Variants in ERI1 observed in about 807,000 individuals in gnomAD.
ERI1 encodes 3'-5' exoribonuclease 1.
ERI1 carries 39 observed loss-of-function variants against 39.7 expected under a neutral mutation model. The ratio of observed to expected loss-of-function variants is 0.98; its 90% CI spans 0.76 to 1.28. The LOEUF (loss-of-function observed/expected upper bound fraction) is 1.28. ERI1 is among the 50% of genes most tolerant of loss of function. The pLI, the probability that ERI1 is intolerant of heterozygous loss-of-function variation, is 0.00. For synonymous variants in ERI1, 204 were observed against 149.6 expected (o/e 1.36, Z -2.65); for missense variants, 581 against 416.9 (o/e 1.39, Z -3.43).
chr8:9,080,482 T>C (rs796491055), intron 3 of ERI1, among the ~76,000 whole-genome samples: 58 of 152,332 alleles, frequency 3.8e-4, no homozygotes, highest in African/African-American at 1.2e-3. Flanking sequence ...CATGCTAGGC[T>C]GCCTAGAGGA....
intron 3 of ERI1, among the ~76,000 whole-genome samples, chr8:9,065,649 C>A (rs1186654152): frequency 7.2e-6 from 1 of 138,756 alleles, no homozygotes; most frequent in African/African-American, 2.7e-5. Context: ...GAGCTGAGAT[C>A]GCAGCACTGC....
rs112666126 is a variant in ERI1, at chr8:9,017,289, C to T, written c.582+884C>T. 3.9e-5 allele frequency among the ~76,000 whole-genome samples: 6 copies of T among 152,002 alleles called. No homozygotes were observed. The East Asian group carries it at 9.7e-4, about 25-fold the overall frequency. On this transcript the variant is annotated intron_variant, in intron 4 of 6. Transcript: ENST00000250263. Reference sequence around the variant, plus strand: ...AGAACTCCTGACGTCAAGCCCTCCTCGGTCCCAAAAAGTGTTGGGATTACG... The same window carrying T: ...AGAACTCCTGACGTCAAGCCCTCCTTGGTCCCAAAAAGTGTTGGGATTACG...
rs1221508211 is a variant in ERI1 at position 9,003,190 on chromosome 8, C to T, written c.108+19C>T. 1 of 1,234,800 alleles carries T rather than the reference C, an allele frequency of 8.1e-7. No homozygotes were observed. Among genetic ancestry groups the T allele is most frequent in the Non-Finnish European group, 1.0e-6 (1 of 986,558 alleles). 76.5% of individuals were successfully genotyped at this position (1,234,800 alleles called of 1,614,324 possible). On this transcript the variant is annotated intron_variant, in intron 1 of 6. Transcript: ENST00000250263. ...TCCCGAGGTGAGGAGTCGACCCGCG[C>T]CTGGCTGTTGGCGCCAGCTGCCCCG...
At position 9,079,891 on chromosome 8, in the gene ERI1, G is replaced by A. The variant is rs147708248; in HGVS notation, n.300-36457G>A. Among the ~76,000 whole-genome samples, 12 of 151,360 alleles carry A rather than the reference G, an allele frequency of 7.9e-5. No individual in the cohort carries two copies. In the East Asian group the frequency reaches 2.3e-3, roughly 29 times the overall value. On this transcript the variant is annotated intron_variant and non_coding_transcript_variant, in intron 3 of 3. Transcript: ENST00000518663. The stretch of plus-strand genomic sequence containing the variant: ...TTGCCATGTTGCCCAGGCTGGTCTT[G>A]AACACCTAGGCTCCAGCAGTCCTCC...
chr8:9,028,256 A>C (rs973466680), intron 6 of ERI1, among the ~76,000 whole-genome samples: 3 of 152,212 alleles, frequency 2.0e-5, no homozygotes, highest in Admixed American at 2.0e-4. Flanking sequence ...TCCTAGGTAT[A>C]GGTCTATTCC....
chr8:9,023,229 C>T (rs1818105275), intron 6 of ERI1, among the ~76,000 whole-genome samples: 2 of 152,012 alleles, frequency 1.3e-5, no homozygotes, highest in South Asian at 2.1e-4. Flanking sequence ...GAAACTGAGT[C>T]ATTTGTCCTG....
chr8:9,046,394 C>A (rs1010200082), intron 3 of ERI1, among the ~76,000 whole-genome samples: 5 of 152,148 alleles, frequency 3.3e-5, no homozygotes, highest in Non-Finnish European at 7.3e-5. Flanking sequence ...GCAGAGCAGC[C>A]CTGAGACCTC....
intron 6 of ERI1, among the ~76,000 whole-genome samples, chr8:9,021,118 A>C (rs1336151777): frequency 1.3e-5 from 2 of 152,030 alleles, no homozygotes; most frequent in Non-Finnish European, 2.9e-5. Flanking sequence ...CAGTCAGAGC[A>C]CTCAGTGTTC....
At chr8:9,060,473 A>T (rs577515425) in intron 3 of ERI1, among the ~76,000 whole-genome samples, 1 of 152,160 alleles carries the variant, frequency 6.6e-6, no homozygotes, top group Non-Finnish European at 1.5e-5. Flanking sequence ...CCTGAGGGGC[A>T]GTAGAATAGC....
intron 3 of ERI1, among the ~76,000 whole-genome samples, chr8:9,046,366 C>A (rs536549038): frequency 3.3e-5 from 5 of 152,340 alleles, no homozygotes; most frequent in Middle Eastern, 3.4e-3. Flanking sequence ...ATATGCGAGA[C>A]TGCCTAGAGG....
At chr8:9,008,247 G>A (rs538095448) in intron 2 of ERI1, 99 bp downstream of exon 2, 22 of 1,040,864 alleles carry the variant, frequency 2.1e-5, no homozygotes, top group African/African-American at 1.5e-4. Flanking sequence ...TAATCCTACC[G>A]TAATGACATG....
At chr8:9,091,863 C>T (rs1799715582) in intron 3 of ERI1, among the ~76,000 whole-genome samples, 1 of 152,148 alleles carries the variant, frequency 6.6e-6, no homozygotes, top group Non-Finnish European at 1.5e-5. Context: ...ACAGACATTC[C>T]TAAATGCCCT....
In ERI1 at chr8:9,009,946, G is replaced by A. The variant is rs149221247; in HGVS notation, c.288-1596G>A. ...AGTTGTGAAGGAACTCTATGCTGAA[G>A]TCTGCATTTTACCTCGTAAGCAGAA... On this transcript the variant is annotated intron_variant, in intron 2 of 6. Transcript: ENST00000250263. Among the ~76,000 whole-genome samples, 479 of 152,318 alleles carry A rather than the reference G, an allele frequency of 3.1e-3. 1 individual carries two copies. Among genetic ancestry groups the A allele is most frequent in the Non-Finnish European group, 5.2e-3 (353 of 68,036 alleles).
intron 3 of ERI1, among the ~76,000 whole-genome samples, chr8:9,071,075 A>C (rs879852435): frequency 2.0e-5 from 3 of 152,186 alleles, no homozygotes; most frequent in Admixed American, 6.5e-5. Flanking sequence ...AAAGCAACAT[A>C]TCTTTCTTGG....
intron 3 of ERI1, among the ~76,000 whole-genome samples, chr8:9,066,872 C>G (rs1585278267): frequency 6.6e-6 from 1 of 151,942 alleles, no homozygotes; most frequent in East Asian, 1.9e-4. Flanking sequence ...CTGATGTTCT[C>G]AGTGGCCTCA....
At position 9,012,410 on chromosome 8, in the gene ERI1, C is replaced by A. The variant is rs192280843; in HGVS notation, c.498+658C>A. 5.9e-5 allele frequency among the ~76,000 whole-genome samples: 9 copies of A among 152,348 alleles called. No homozygotes were observed. In the East Asian group the frequency reaches 1.5e-3, roughly 26 times the overall value. On this transcript the variant is annotated intron_variant, in intron 3 of 6. Coordinates refer to ENST00000250263, the MANE Select transcript of ERI1 (RefSeq NM_153332.4). The stretch of plus-strand genomic sequence containing the variant: ...TAAAATCTGAGCAAGAATATCCTAA[C>A]ATCTCAACTTTCCAAAAGTCACTTC...
At chr8:9,059,531 C>T (rs1798622063) in intron 3 of ERI1, among the ~76,000 whole-genome samples, 1 of 151,796 alleles carries the variant, frequency 6.6e-6, no homozygotes, top group African/African-American at 2.4e-5. Flanking sequence ...TTAGAAGAAA[C>T]ATTTGTCTTA....
At chr8:9,075,456 A>G (rs1799179427) in intron 3 of ERI1, among the ~76,000 whole-genome samples, 1 of 151,676 alleles carries the variant, frequency 6.6e-6, no homozygotes, top group Non-Finnish European at 1.5e-5. Context: ...CCTCCATGTA[A>G]ACATTAGGTT....
At chr8:9,015,251 A>C (rs1270686831) in intron 3 of ERI1, among the ~76,000 whole-genome samples, 2 of 152,214 alleles carry the variant, frequency 1.3e-5, no homozygotes, top group Non-Finnish European at 2.9e-5. Context: ...AGGAAATACA[A>C]ACTTTTCTTA....
Sources: gnomAD v4.1 joint callset for allele counts (sites outside exome capture counted in the v4.1 genomes callset) on GRCh38, gnomAD v4.1.1 for gene constraint, MANE v1.5 for transcripts, NCBI Gene and HGNC (gene_info 2026-07-23, HGNC 2026-07-21) for gene names.